Variants in COPA observed in about 807,000 individuals in gnomAD.
COPA encodes coat protein complex I subunit alpha.
Under a neutral mutation model 158.7 loss-of-function variants are expected in COPA, and 10 were observed. That is an observed-to-expected ratio of 0.06 (90% confidence interval 0.04 to 0.11). The LOEUF (loss-of-function observed/expected upper bound fraction) is 0.11. Ranked by LOEUF, COPA falls within the 10% of genes least tolerant of loss-of-function variation. COPA has a pLI of 1.00. For synonymous variants in COPA, 462 were observed against 542.8 expected (o/e 0.85, Z 2.07); for missense variants, 1,065 against 1,536.7 (o/e 0.69, Z 5.13).
At chr1:160,312,653 C>T (rs983351561) in intron 10 of COPA, among the ~76,000 whole-genome samples, 9 of 152,172 alleles carry the variant, frequency 5.9e-5, no homozygotes, top group African/African-American at 1.4e-4. Flanking sequence ...AGGCAATACA[C>T]GATCTGGCCA....
At position 160,299,233 on chromosome 1, in the gene COPA, G is replaced by A; in HGVS notation, c.1699C>T (p.Pro567Ser). Reference sequence around the variant, plus strand: ...CCCTTCACCCGTGTGACATAGATGGGTAAATCCAGAGTTCGAATGATCCCG... The same window carrying A: ...CCCTTCACCCGTGTGACATAGATGGATAAATCCAGAGTTCGAATGATCCCG... ...DHGIIRTLDL[P>S]IYVTRVKGNN... is the part of the protein sequence containing the mutation. Residue 567 changes from proline (P) to serine (S), a missense_variant, in exon 18 of 33, where the codon CCC becomes TCC. By Grantham distance (74) the Pro-to-Ser change is moderately conservative. Around this residue, in one of 2 missense-constraint regions of COPA, gnomAD observed 980 missense variants for 1,357.8 expected, o/e 0.72. Transcript: ENST00000241704. The A allele has an allele frequency of 6.2e-7, 1 of 1,613,846 alleles. No individual in the cohort carries two copies. The highest frequency in any genetic ancestry group is 8.5e-7 in the Non-Finnish European group (1 of 1,179,782).
At chr1:160,325,220 G>A (rs998722864) in intron 7 of COPA, among the ~76,000 whole-genome samples, 2 of 152,034 alleles carry the variant, frequency 1.3e-5, no homozygotes, top group Admixed American at 6.6e-5. Context: ...GCTGGTTCTC[G>A]ATAACTCCGA....
Position 160,314,142 on chromosome 1 carries a change from A to G in COPA, c.707-17T>C. ...CCTTTGATTCTGAAGGACAAAAAGA[A>G]TTAGGTCATCACAATTCCCTACTAC... is the stretch of plus-strand genomic sequence containing the variant. On this transcript the variant is annotated splice_polypyrimidine_tract_variant and intron_variant, in intron 8 of 32. Coordinates refer to ENST00000241704, the MANE Select transcript of COPA (RefSeq NM_004371.4). The G allele has an allele frequency of 6.2e-7, 1 of 1,608,020 alleles. No individual in the cohort carries two copies. Among genetic ancestry groups the G allele is most frequent in the Non-Finnish European group, 8.5e-7 (1 of 1,177,448 alleles).
chr1:160,313,652 G>GACTT (rs746827427), intron 9 of COPA, among the ~76,000 whole-genome samples: 5 of 151,928 alleles, frequency 3.3e-5, no homozygotes, highest in African/African-American at 4.8e-5. Context: ...CTGACCTCGT[G>GACTT]ATCCACCCGC....
chr1:160,335,278 C>T lies in COPA; in HGVS notation c.273G>A (p.Gly91=), dbSNP rs758143475. ...ACGTGGTGCGAATATAATCTAAGTG[C>T]CCAAGCAATGTGAAAAGACAGCGCC... ...KLRRCLFTLL[G]HLDYIRTTFF... Residue 91 remains glycine (G), a synonymous_variant, in exon 4 of 33, where the codon GGG becomes GGA. Coordinates refer to ENST00000241704, the MANE Select transcript of COPA (RefSeq NM_004371.4). 1.9e-6 allele frequency: 3 copies of T among 1,611,712 alleles called. No individual in the cohort carries two copies. Among genetic ancestry groups the T allele is most frequent in the Non-Finnish European group, 2.5e-6 (3 of 1,178,814 alleles).
At chr1:160,324,507 AG>A (rs1659432172) in intron 7 of COPA, among the ~76,000 whole-genome samples, 1 of 139,310 alleles carries the variant, frequency 7.2e-6, no homozygotes, top group African/African-American at 2.7e-5. Context: ...TATGTTGCCT[AG>A]GCTGGTTTCA....
rs1658118565 is a variant in COPA at position 160,288,805 on chromosome 1, T to C, written c.*1352A>G. On this transcript the variant is annotated 3_prime_UTR_variant, in exon 33 of 33. Transcript: ENST00000241704. ...TTATCTGTATATTACATGTAAAATATCTAGAACAGTGACAGTCACATGGCA... is the reference window on the plus strand; with the variant it reads ...TTATCTGTATATTACATGTAAAATACCTAGAACAGTGACAGTCACATGGCA... Among the ~76,000 whole-genome samples the C allele has an allele frequency of 6.6e-6, 1 of 152,184 alleles. No homozygotes were observed. Among genetic ancestry groups the C allele is most frequent in the African/African-American group, 2.4e-5 (1 of 41,442 alleles).
At chr1:160,342,537 T>C (rs558202745) in intron 1 of COPA, among the ~76,000 whole-genome samples, 1 of 152,352 alleles carries the variant, frequency 6.6e-6, no homozygotes, top group South Asian at 2.1e-4. Flanking sequence ...ATTGTTTACC[T>C]GAAATTCAAA....
At chr1:160,316,806 G>A (rs116865166) in intron 8 of COPA, among the ~76,000 whole-genome samples, 3,700 of 151,326 alleles carry the variant, frequency 0.024, 63 homozygotes, top group East Asian at 0.091. Flanking sequence ...AAGAGCAAGC[G>A]TAGAAAGCTT....
At chr1:160,335,622 G>T (rs1376379527) in intron 3 of COPA, among the ~76,000 whole-genome samples, 1 of 152,032 alleles carries the variant, frequency 6.6e-6, no homozygotes, top group Admixed American at 6.6e-5. Context: ...GGTCACTCAT[G>T]CCTGTAATCC....
chr1:160,328,600 C>G (rs10494341), intron 6 of COPA, among the ~76,000 whole-genome samples: 3,738 of 152,264 alleles, frequency 0.025, 154 homozygotes, highest in African/African-American at 0.086. Flanking sequence ...GGGATGATAA[C>G]AGGATTTGGC....
intron 6 of COPA, among the ~76,000 whole-genome samples, chr1:160,329,438 C>T (rs1286100859): frequency 6.6e-6 from 1 of 151,788 alleles, no homozygotes; most frequent in Non-Finnish European, 1.5e-5. Context: ...GATCTAGGGC[C>T]CTTAATTTTG....
At chr1:160,337,761 C>CA (rs935041379) in intron 3 of COPA, among the ~76,000 whole-genome samples, 1 of 151,780 alleles carries the variant, frequency 6.6e-6, no homozygotes, top group Non-Finnish European at 1.5e-5. Context: ...AAAAACAAAC[C>CA]AAAAAAACCC....
chr1:160,325,300 C>T (rs1659454096), intron 7 of COPA, among the ~76,000 whole-genome samples: 1 of 152,150 alleles, frequency 6.6e-6, no homozygotes, highest in Non-Finnish European at 1.5e-5. Flanking sequence ...GTGATGAGGT[C>T]TACGCCTGGC....
At chr1:160,318,278 A>AT (rs1055353376) in intron 8 of COPA, among the ~76,000 whole-genome samples, 6 of 152,066 alleles carry the variant, frequency 3.9e-5, no homozygotes, top group Non-Finnish European at 5.9e-5. Context: ...GCATTTTAAG[A>AT]TTTTTTAAAA....
At chr1:160,298,483 A>G (rs1047586518) in intron 19 of COPA, among the ~76,000 whole-genome samples, 6 of 152,216 alleles carry the variant, frequency 3.9e-5, no homozygotes, top group African/African-American at 1.2e-4. Flanking sequence ...AACAATGCCT[A>G]TACATTCTAG....
chr1:160,322,984 C>T (rs1659375532), intron 8 of COPA, among the ~76,000 whole-genome samples: 1 of 145,206 alleles, frequency 6.9e-6, no homozygotes, highest in African/African-American at 2.7e-5. Flanking sequence ...TACATACGCG[C>T]ACGTGCACAC....
intron 10 of COPA, among the ~76,000 whole-genome samples, chr1:160,312,280 C>T (rs1327779876): frequency 6.6e-6 from 1 of 152,170 alleles, no homozygotes; most frequent in East Asian, 1.9e-4. Context: ...TTTGTACAAA[C>T]CTCCATTACA....
chr1:160,304,338 TG>T (rs1438513463), intron 17 of COPA, among the ~76,000 whole-genome samples: 2 of 149,624 alleles, frequency 1.3e-5, no homozygotes, highest in Non-Finnish European at 3.0e-5. Context: ...TATACCAAGC[TG>T]GTGGGCATGC....
Sources: allele counts gnomAD v4.1 joint callset (sites outside exome capture counted in the v4.1 genomes callset), GRCh38; gene constraint gnomAD v4.1.1; regional missense constraint gnomAD v4.1.1; transcripts MANE v1.5; gene names NCBI Gene and HGNC (gene_info 2026-07-23, HGNC 2026-07-21).